ZNF362: variants seen among roughly 807,000 people sequenced by gnomAD.
The protein encoded by ZNF362 is rotund homolog.
In ZNF362, 11 loss-of-function variants were observed where a neutral mutation model predicts 42.9. The ratio of observed to expected loss-of-function variants is 0.26; its 90% CI spans 0.16 to 0.42. The LOEUF is 0.42. Among genes scored for constraint, ZNF362 ranks in the 20% least tolerant of loss-of-function variants. The pLI, the probability that ZNF362 is intolerant of heterozygous loss-of-function variation, is 1.00. For missense variants in ZNF362, 362 were observed against 576.2 expected (o/e 0.63, Z 3.81); for synonymous variants, 255 against 257.3 (o/e 0.99, Z 0.09).
the ZNF362 span, among the ~76,000 whole-genome samples, chr1:33,170,216 G>A: frequency 2.0e-5 from 3 of 152,076 alleles, no homozygotes; most frequent in South Asian, 6.2e-4. Flanking sequence ...TGTAATTCCA[G>A]CTACTTGGGA....
At chr1:33,152,340 C>T in the ZNF362 span, among the ~76,000 whole-genome samples, 29 of 152,178 alleles carry the variant, frequency 1.9e-4, no homozygotes, top group African/African-American at 6.0e-4. Context: ...CCGAGGCAGG[C>T]GGATCACCTG....
the ZNF362 span, among the ~76,000 whole-genome samples, chr1:33,138,500 A>T: frequency 6.6e-6 from 1 of 151,944 alleles, no homozygotes; most frequent in Non-Finnish European, 1.5e-5. Flanking sequence ...GTCTCTGCAA[A>T]ATTTCTTTTT....
intron 2 of ZNF362, among the ~76,000 whole-genome samples, chr1:33,274,595 C>T (rs911973464): frequency 1.3e-5 from 2 of 152,186 alleles, no homozygotes; most frequent in African/African-American, 4.8e-5. Flanking sequence ...GGAGCTGCCC[C>T]AGCCACCTGA....
chr1:33,152,812 C>A, the ZNF362 span, among the ~76,000 whole-genome samples: 1 of 151,770 alleles, frequency 6.6e-6, no homozygotes, highest in Non-Finnish European at 1.5e-5. Flanking sequence ...AGGAATGTGC[C>A]GGGACTCAAA....
chr1:33,131,701 G>T, the ZNF362 span, among the ~76,000 whole-genome samples: 4 of 151,568 alleles, frequency 2.6e-5, no homozygotes, highest in Admixed American at 2.6e-4. Flanking sequence ...TTAAATAATA[G>T]ATTTTACTTA....
chr1:33,243,108 A>ATTATGTTATG, the ZNF362 span, among the ~76,000 whole-genome samples: 14,397 of 144,462 alleles, frequency 0.1, 780 homozygotes, highest in Middle Eastern at 0.15. Context: ...CACAACTGTT[A>ATTATGTTATG]TTATGTTATG....
intron 8 of ZNF362, among the ~76,000 whole-genome samples, chr1:33,298,106 G>T (rs1484144931): frequency 1.3e-5 from 2 of 152,188 alleles, no homozygotes; most frequent in Non-Finnish European, 2.9e-5. Context: ...TTGGAAGGAT[G>T]TGGCTTAGTG....
chr1:33,228,890 G>A, the ZNF362 span, among the ~76,000 whole-genome samples: 1 of 152,126 alleles, frequency 6.6e-6, no homozygotes, highest in Admixed American at 6.6e-5. Context: ...TCTAAGTCCT[G>A]GCAATGGCTA....
At chr1:33,236,550 AATATATATAT>A in the ZNF362 span, among the ~76,000 whole-genome samples, 2 of 5,970 alleles carry the variant, frequency 3.4e-4, no homozygotes, top group Non-Finnish European at 7.4e-4. Flanking sequence ...AAAAAAAAAA[AATATATATAT>A]ATATATATAT....
At chr1:33,219,288 C>A in the ZNF362 span, among the ~76,000 whole-genome samples, 7 of 152,212 alleles carry the variant, frequency 4.6e-5, no homozygotes, top group African/African-American at 1.7e-4. Flanking sequence ...GGTTGGCGCT[C>A]AGTGAGTGTG....
intron 2 of ZNF362, among the ~76,000 whole-genome samples, chr1:33,274,649 G>C (rs921789239): frequency 1.3e-5 from 2 of 152,196 alleles, no homozygotes; most frequent in African/African-American, 4.8e-5. Flanking sequence ...TGGGAGTGAG[G>C]GGTAAGGACA....
At chr1:33,191,810 T>G in the ZNF362 span, among the ~76,000 whole-genome samples, 33 of 152,338 alleles carry the variant, frequency 2.2e-4, no homozygotes, top group African/African-American at 7.2e-4. Context: ...ATCCTGTTTC[T>G]TTAAGCAGAG....
chr1:33,206,531 T>G, the ZNF362 span, among the ~76,000 whole-genome samples: 3 of 152,146 alleles, frequency 2.0e-5, no homozygotes, highest in Non-Finnish European at 4.4e-5. Context: ...CCCAGGAATT[T>G]GAGGCTGCAG....
chr1:33,239,625 C>A, the ZNF362 span, among the ~76,000 whole-genome samples: 1 of 152,082 alleles, frequency 6.6e-6, no homozygotes, highest in African/African-American at 2.4e-5. Flanking sequence ...AGAGTAAGTG[C>A]AAGCAGGGGA....
the ZNF362 span, among the ~76,000 whole-genome samples, chr1:33,127,623 T>G: frequency 6.6e-6 from 1 of 152,342 alleles, no homozygotes; most frequent in South Asian, 2.1e-4. Flanking sequence ...GCGCATCAGC[T>G]ACTTTCGCTT....
At chr1:33,194,912 T>C in the ZNF362 span, 2 of 151,828 alleles carry the variant, frequency 1.3e-5, no homozygotes, top group African/African-American at 4.8e-5. Context: ...TTCTAAGAAA[T>C]AATGATGAAG....
At chr1:33,193,004 C>CACACACACACACACATATATATATAT in the ZNF362 span, among the ~76,000 whole-genome samples, 116 of 137,262 alleles carry the variant, frequency 8.5e-4, no homozygotes, top group East Asian at 7.0e-3. Flanking sequence ...CACACACACA[C>CACACACACACACACATATATATATAT]ATATATATAT....
chr1:33,141,027 T>C, the ZNF362 span, among the ~76,000 whole-genome samples: 1 of 152,112 alleles, frequency 6.6e-6, no homozygotes, highest in African/African-American at 2.4e-5. Flanking sequence ...GCTGCTGTCT[T>C]TGCATCTGTG....
the ZNF362 span, among the ~76,000 whole-genome samples, chr1:33,239,129 T>C: frequency 6.6e-6 from 1 of 152,196 alleles, no homozygotes; most frequent in Non-Finnish European, 1.5e-5. Flanking sequence ...TGTGGCACTA[T>C]TATCAAATAC....
Sources: gnomAD v4.1 joint callset for allele counts (sites outside exome capture counted in the v4.1 genomes callset) on GRCh38, gnomAD v4.1.1 for gene constraint, MANE v1.5 for transcripts, NCBI Gene and HGNC (gene_info 2026-07-23, HGNC 2026-07-21) for gene names.